Variants in ITGAD observed in about 807,000 individuals in gnomAD.
ITGAD encodes the protein integrin subunit alpha D.
ITGAD carries 105 observed loss-of-function variants against 139.0 expected under a neutral mutation model. The ratio of observed to expected loss-of-function variants is 0.76; its 90% confidence interval spans 0.65 to 0.89. The LOEUF (loss-of-function observed/expected upper bound fraction) is 0.89. Ranked by LOEUF, ITGAD falls within the 40% of genes least tolerant of loss-of-function variation. ITGAD has a pLI of 0.00. For missense variants in ITGAD, 1,384 were observed against 1,487.3 expected, an observed-to-expected ratio of 0.93 and a Z score of 1.14; for synonymous variants, 569 against 598.3, an observed-to-expected ratio of 0.95 and a Z score of 0.71.
chr16:31,413,117 G>A lies in ITGAD; in HGVS notation c.1867G>A (p.Ala623Thr). The change falls in exon 16 of 30, where the codon GCC (alanine) becomes ACC (threonine). Residue 623 changes from alanine to threonine, a missense_variant. Ala to Thr is a moderately conservative substitution (Grantham distance 58, BLOSUM62 0). Coordinates refer to ENST00000389202, the MANE Select transcript of ITGAD (RefSeq NM_005353.3). ...RSLPVLKVGV[A>T]MRFSPVEVAK... ...TCTGCCGGTGCTGAAAGTGGGGGTG[G>A]CCATGAGATTCAGCCCTGTGGAGGT... The A allele has an allele frequency of 1.9e-6, 3 of 1,614,142 alleles. No individual in the cohort carries two copies. Among genetic ancestry groups the A allele is most frequent in the Non-Finnish European group, 2.5e-6 (3 of 1,180,004 alleles).
At chr16:31,415,110 C>A in intron 18 of ITGAD, 119 bp downstream of exon 18, 1 of 1,128,304 alleles carries the variant, frequency 8.9e-7, no homozygotes. Flanking sequence ...TGACTCCAGT[C>A]TCTCCCTTCC....
Position 31,408,351 on chromosome 16 carries a change from G to A in ITGAD, c.1010-74G>A, listed in dbSNP as rs2081592467. On this transcript the variant is annotated intron_variant, in intron 9 of 29. Coordinates refer to ENST00000389202, the MANE Select transcript of ITGAD (RefSeq NM_005353.3). ...GTCTGGAACCCAAGCCTCAGATCAT[G>A]TTCTCCTCCCTGTGTTCTGAGTCCT... 24 of 1,286,118 alleles carry A rather than the reference G, an allele frequency of 1.9e-5. No homozygotes were observed. In the Admixed American group the frequency reaches 3.9e-4, roughly 21 times the overall value. The allele number at this position is 1,286,118 out of a possible 1,614,324, so 79.7% of individuals were successfully genotyped here.
In ITGAD at chr16:31,412,987, C is replaced by A; in HGVS notation, c.1838+19C>A. 6.2e-7 allele frequency: 1 copy of A among 1,601,602 alleles called. No homozygotes were observed. Among genetic ancestry groups the A allele is most frequent in the Non-Finnish European group, 8.5e-7 (1 of 1,173,522 alleles). On this transcript the variant is annotated intron_variant, in intron 15 of 29. Transcript: ENST00000389202. ...TGCTCAGGTAGCGACTCCCCAACAT[C>A]CTGCCCTCCCGCGCTGTGTCTGATT...
rs577284878 is a variant in ITGAD at position 31,412,937 on chromosome 16, G to A, written c.1807G>A (p.Val603Met). 2.1e-5 allele frequency: 34 copies of A among 1,610,868 alleles called. No individual in the cohort carries two copies. The highest frequency in any genetic ancestry group is 8.4e-5 in the Admixed American group (5 of 59,496). ...LTQDGLMDLA[V>M]GARGQVLLLR... Reference sequence around the variant, plus strand: ...CCAGGATGGACTGATGGACCTGGCCGTGGGGGCCCGGGGCCAGGTGCTCCT... The same window carrying A: ...CCAGGATGGACTGATGGACCTGGCCATGGGGGCCCGGGGCCAGGTGCTCCT... Residue 603 changes from valine to methionine, a missense_variant, in exon 15 of 30, where the codon GTG (valine) becomes ATG (methionine). Coordinates refer to ENST00000389202, the MANE Select transcript of ITGAD (RefSeq NM_005353.3).
At chr16:31,420,034 C>G (rs1454546493) in intron 23 of ITGAD, among the ~76,000 whole-genome samples, 1 of 152,050 alleles carries the variant, frequency 6.6e-6, no homozygotes, top group Non-Finnish European at 1.5e-5. Context: ...TAACATGAAA[C>G]AAATTCTGTC....
At chr16:31,411,874 T>G (rs2081727386) in intron 14 of ITGAD, among the ~76,000 whole-genome samples, 1 of 152,124 alleles carries the variant, frequency 6.6e-6, no homozygotes. Flanking sequence ...GAAATAACAG[T>G]GAGAGTGCTA....
intron 23 of ITGAD, among the ~76,000 whole-genome samples, chr16:31,419,358 C>G (rs1460970544): frequency 6.6e-6 from 1 of 152,178 alleles, no homozygotes; most frequent in Non-Finnish European, 1.5e-5. Flanking sequence ...TACACAAATA[C>G]TTTCCATTGT....
At chr16:31,397,712 G>GT in intron 4 of ITGAD, 46 bp downstream of exon 4, 2 of 1,466,738 alleles carry the variant, frequency 1.4e-6, no homozygotes, top group Admixed American at 1.8e-5. Context: ...GGGGCGGGGG[G>GT]TGTTGTTGGG....
In ITGAD at chr16:31,414,482, G is replaced by A. The variant is rs1408947888; in HGVS notation, c.2028G>A (p.Leu676=). The A allele has an allele frequency of 6.2e-7, 1 of 1,614,178 alleles. No homozygotes were observed. Among genetic ancestry groups the A allele is most frequent in the South Asian group, 1.1e-5 (1 of 91,086 alleles). Residue 676 remains leucine (L), a synonymous_variant, in exon 17 of 30, where the codon CTG becomes CTA. Coordinates refer to ENST00000389202, the MANE Select transcript of ITGAD (RefSeq NM_005353.3). The stretch of plus-strand genomic sequence containing the variant: ...TCCAAAGCTCTGTCAGGTTTGATCT[G>A]GCACTGGACCCAGGTCGTCTGACTT... ...GDIQSSVRFD[L]ALDPGRLTSR... is the part of the protein sequence containing the mutation.
chr16:31,412,033 G>T (rs556373829), intron 14 of ITGAD, among the ~76,000 whole-genome samples: 6 of 150,656 alleles, frequency 4.0e-5, no homozygotes, highest in African/African-American at 1.5e-4. Flanking sequence ...CCCCTTCTCT[G>T]TTTGGGGGTC....
At chr16:31,411,794 G>A (rs1304245510) in intron 14 of ITGAD, among the ~76,000 whole-genome samples, 1 of 152,234 alleles carries the variant, frequency 6.6e-6, no homozygotes, top group Non-Finnish European at 1.5e-5. Context: ...GTGACTGACA[G>A]CCTTGGTCAG....
intron 28 of ITGAD, 108 bp downstream of exon 28, chr16:31,424,311 C>G: frequency 7.1e-7 from 1 of 1,409,512 alleles, no homozygotes; most frequent in Non-Finnish European, 1.0e-6. Flanking sequence ...GGGTGAAAGT[C>G]TCTGGGCAGG....
chr16:31,420,436 C>T (rs2081986149), intron 23 of ITGAD, among the ~76,000 whole-genome samples: 1 of 151,894 alleles, frequency 6.6e-6, no homozygotes. Context: ...CTCACTCTTT[C>T]ACCCAGGCTG....
At chr16:31,398,257 T>TACAAA (rs59039979) in intron 5 of ITGAD, among the ~76,000 whole-genome samples, 53,403 of 148,908 alleles carry the variant, frequency 0.36, 9,878 homozygotes, top group East Asian at 0.62. Flanking sequence ...CTACTAAAAA[T>TACAAA]ACAAAACAAA....
At chr16:31,399,568 G>T (rs1357341133) in intron 5 of ITGAD, among the ~76,000 whole-genome samples, 1 of 152,170 alleles carries the variant, frequency 6.6e-6, no homozygotes, top group Admixed American at 6.5e-5. Context: ...CAAGGGAAGG[G>T]GGAAGGGACA....
chr16:31,414,746 C>A, intron 17 of ITGAD, 114 bp from the exon 18 acceptor site: 1 of 1,550,132 alleles, frequency 6.5e-7, no homozygotes. Flanking sequence ...GAGAACCTGG[C>A]TCCACGGCTT....
chr16:31,411,495 G>T lies in ITGAD; in HGVS notation c.1685G>T (p.Gly562Val), dbSNP rs750621412. The change falls in exon 14 of 30, where the codon GGC becomes GTC. Residue 562 changes from glycine to valine, a missense_variant. Transcript: ENST00000389202. ...CTGTTTCACGGAGCCTCAGAATCCG[G>T]CATCAGCCCCTCCCACAGCCAGGTG... Reference protein sequence around the residue: ...VYLFHGASESGISPSHSQRIA... With the variant: ...VYLFHGASESVISPSHSQRIA... The T allele has an allele frequency of 1.9e-6, 3 of 1,614,080 alleles. No individual in the cohort carries two copies. Among genetic ancestry groups the T allele is most frequent in the African/African-American group, 2.7e-5 (2 of 75,024 alleles).
intron 23 of ITGAD, among the ~76,000 whole-genome samples, chr16:31,421,356 C>A (rs2082002476): frequency 1.3e-5 from 2 of 150,730 alleles, no homozygotes; most frequent in Non-Finnish European, 3.0e-5. Flanking sequence ...GTAATCCCAG[C>A]ACTTTGGGAG....
chr16:31,408,073 GT>G (rs1265401784), intron 9 of ITGAD, among the ~76,000 whole-genome samples, 157 bp downstream of exon 9: 1 of 152,084 alleles, frequency 6.6e-6, no homozygotes, highest in African/African-American at 2.4e-5. Context: ...CTGGGTTCAA[GT>G]GATTCTCTCG....
Sources: gnomAD v4.1 joint callset for allele counts (sites outside exome capture counted in the v4.1 genomes callset) on GRCh38, gnomAD v4.1.1 for gene constraint, MANE v1.5 for transcripts, NCBI Gene and HGNC (gene_info 2026-07-23, HGNC 2026-07-21) for gene names.